The following ABTB3 variants were observed in gnomAD, a reference collection of about 807,000 sequenced individuals.
ABTB3 encodes ankyrin repeat- and BTB/POZ domain-containing protein 3.
At chr12:107,555,400 G>C in the ABTB3 span, among the ~76,000 whole-genome samples, 1 of 152,286 alleles carries the variant, frequency 6.6e-6, no homozygotes, top group African/African-American at 2.4e-5. Flanking sequence ...AAGCTACGAG[G>C]TTCAAGTTTA....
At chr12:107,603,173 C>A in the ABTB3 span, among the ~76,000 whole-genome samples, 5 of 152,214 alleles carry the variant, frequency 3.3e-5, no homozygotes, top group African/African-American at 1.2e-4. Context: ...TGGTGGAGAT[C>A]CTTCAGAAAC....
chr12:107,369,334 A>G, the ABTB3 span, among the ~76,000 whole-genome samples: 26 of 151,150 alleles, frequency 1.7e-4, no homozygotes, highest in Admixed American at 6.6e-5. Flanking sequence ...TTATAGAACC[A>G]TTCCTTTCCC....
the ABTB3 span, among the ~76,000 whole-genome samples, chr12:107,618,618 C>T: frequency 6.6e-6 from 1 of 152,238 alleles, no homozygotes; most frequent in Admixed American, 6.5e-5. Context: ...AAGACCCATC[C>T]TCAGACCATC....
the ABTB3 span, among the ~76,000 whole-genome samples, chr12:107,550,494 TAAA>T: frequency 4.0e-5 from 5 of 124,914 alleles, no homozygotes; most frequent in Admixed American, 8.0e-5. Flanking sequence ...TCTGGGAAGC[TAAA>T]AAAAAAAAAA....
the ABTB3 span, among the ~76,000 whole-genome samples, chr12:107,630,384 C>T: frequency 6.6e-6 from 1 of 151,262 alleles, no homozygotes; most frequent in Non-Finnish European, 1.5e-5. Context: ...TAGGGAGCCC[C>T]CTGATGTTCA....
At chr12:107,563,564 G>A in the ABTB3 span, among the ~76,000 whole-genome samples, 43 of 152,154 alleles carry the variant, frequency 2.8e-4, no homozygotes, top group African/African-American at 9.9e-4. Context: ...TTGCGGTGGC[G>A]GTGAAGACAT....
chr12:107,607,441 C>T, the ABTB3 span, among the ~76,000 whole-genome samples: 1 of 152,192 alleles, frequency 6.6e-6, no homozygotes, highest in Non-Finnish European at 1.5e-5. Context: ...CCCTGGGGAG[C>T]CTTCCAACAG....
the ABTB3 span, among the ~76,000 whole-genome samples, chr12:107,338,838 C>G: frequency 2.0e-5 from 3 of 152,138 alleles, no homozygotes; most frequent in South Asian, 4.1e-4. Flanking sequence ...TTTTAAGAGA[C>G]AGAGTCTCTC....
the ABTB3 span, among the ~76,000 whole-genome samples, chr12:107,616,471 A>T: frequency 6.6e-6 from 1 of 152,246 alleles, no homozygotes; most frequent in Non-Finnish European, 1.5e-5. Context: ...AAGCCCAGCT[A>T]TCTCAGGGGA....
chr12:107,350,406 G>T, the ABTB3 span, among the ~76,000 whole-genome samples: 1 of 151,898 alleles, frequency 6.6e-6, no homozygotes, highest in African/African-American at 2.4e-5. Context: ...AAAAGAAATG[G>T]GCTGGGCGTG....
At chr12:107,654,691 G>T in the ABTB3 span, among the ~76,000 whole-genome samples, 2 of 152,024 alleles carry the variant, frequency 1.3e-5, no homozygotes, top group Admixed American at 1.3e-4. Context: ...CAAAGCACAG[G>T]TTCTTAACCC....
At chr12:107,561,591 C>T in the ABTB3 span, among the ~76,000 whole-genome samples, 3 of 152,170 alleles carry the variant, frequency 2.0e-5, no homozygotes, top group African/African-American at 7.2e-5. Context: ...TCACAGTAAA[C>T]CTCCTTGCTA....
At chr12:107,382,034 C>T in the ABTB3 span, among the ~76,000 whole-genome samples, 1 of 152,096 alleles carries the variant, frequency 6.6e-6, no homozygotes, top group Non-Finnish European at 1.5e-5. Context: ...CATACCTAAA[C>T]CATGGAGCTT....
chr12:107,406,973 C>T, the ABTB3 span, among the ~76,000 whole-genome samples: 1 of 152,168 alleles, frequency 6.6e-6, no homozygotes, highest in African/African-American at 2.4e-5. Flanking sequence ...GACTCTACCC[C>T]TGCAATTTGG....
chr12:107,618,497 C>G, the ABTB3 span: 101 of 834,360 alleles, frequency 1.2e-4, no homozygotes, highest in Non-Finnish European at 1.7e-4. Context: ...TGCACACACA[C>G]GTGCACACAC....
chr12:107,319,764 G>A, the ABTB3 span: 1 of 1,495,926 alleles, frequency 6.7e-7, no homozygotes, highest in Non-Finnish European at 8.9e-7. Context: ...CCAGGCCCGA[G>A]CTCGGGCCCT....
chr12:107,620,251 C>G, the ABTB3 span: 1 of 1,515,506 alleles, frequency 6.6e-7, no homozygotes, highest in Non-Finnish European at 9.0e-7. Context: ...GCCTGCTGTT[C>G]CCCTTTGAGT....
chr12:107,376,115 G>C, the ABTB3 span, among the ~76,000 whole-genome samples: 1 of 152,092 alleles, frequency 6.6e-6, no homozygotes, highest in African/African-American at 2.4e-5. Flanking sequence ...CCTCACTTCT[G>C]TCTGGTATTT....
chr12:107,601,235 C>A, the ABTB3 span, among the ~76,000 whole-genome samples: 1 of 143,486 alleles, frequency 7.0e-6, no homozygotes, highest in Non-Finnish European at 1.5e-5. Context: ...CAAGTAAGTA[C>A]TGGGATGTGA....
Sources: gnomAD v4.1 joint callset for allele counts (sites outside exome capture counted in the v4.1 genomes callset) on GRCh38, gnomAD v4.1.1 for gene constraint, MANE v1.5 for transcripts, NCBI Gene and HGNC (gene_info 2026-07-23, HGNC 2026-07-21) for gene names.